ARSJ: variants seen among roughly 807,000 people sequenced by gnomAD.
The protein encoded by ARSJ is arylsulfatase J.
A neutral mutation model predicts 35.9 loss-of-function variants in ARSJ; 26 were observed. The observed-to-expected ratio is 0.72, with a 90% CI of 0.53 to 1.00. ARSJ has a LOEUF of 1.00. Among genes scored for constraint, ARSJ ranks in the 50% least tolerant of loss-of-function variants. The pLI, the probability that ARSJ is intolerant of heterozygous loss-of-function variation, is 0.00. For synonymous variants in ARSJ, 294 were observed against 267.6 expected (o/e 1.10, Z -0.96); for missense variants, 667 against 723.6 (o/e 0.92, Z 0.90).
chr4:113,961,913 G>C (rs764031453), intron 1 of ARSJ, among the ~76,000 whole-genome samples: 4,754 of 107,190 alleles, frequency 0.044, 203 homozygotes, highest in African/African-American at 0.14. Context: ...GTGTGTGTGT[G>C]TGTGTGTGTG....
rs4452507 is a variant in ARSJ, at chr4:113,901,449, A to C, written c.*825T>G. 0.69 allele frequency: 104,994 copies of C among 152,082 alleles called. 36,877 individuals are homozygous for C. The highest frequency in any genetic ancestry group is 0.76 in the Non-Finnish European group (51,720 of 67,966). The allele number at this position is 152,082 out of a possible 1,614,324, so 9.4% of individuals were successfully genotyped here. A position where few individuals can be genotyped will look rare whatever the true frequency, so the allele number is the denominator to read the frequency against. ...TAATTTGAAGAAATGAAATAAAATT[A>C]TTCTAATGGTATGCAGGAAATAAAA... On this transcript the variant is annotated 3_prime_UTR_variant, in exon 2 of 2. Transcript: ENST00000315366.
intron 1 of ARSJ, among the ~76,000 whole-genome samples, chr4:113,911,416 A>T (rs942920829): frequency 3.3e-5 from 5 of 152,192 alleles, no homozygotes; most frequent in African/African-American, 1.2e-4. Context: ...CTCTGGTTGT[A>T]GTGTGAAGAA....
At chr4:113,906,887 A>G in intron 1 of ARSJ, 1 of 305,394 alleles carries the variant, frequency 3.3e-6, no homozygotes, top group South Asian at 2.7e-5. Flanking sequence ...ACATTTGCAT[A>G]ACGCTTTTTA....
rs575187161 is a variant in ARSJ at position 113,902,118 on chromosome 4, G to A, written c.*156C>T. 7 of 1,591,716 alleles carry A rather than the reference G, an allele frequency of 4.4e-6. 1 individual carries two copies. In the South Asian group the frequency reaches 7.8e-5, roughly 18 times the overall value. On this transcript the variant is annotated 3_prime_UTR_variant, in exon 2 of 2. Transcript: ENST00000315366. ...ACTGAGCAGGACAGTTTTCAGTGTGGCGGCCAGGTGGCAGAAGTCTCTGGA... is the reference window on the plus strand; with the variant it reads ...ACTGAGCAGGACAGTTTTCAGTGTGACGGCCAGGTGGCAGAAGTCTCTGGA...
chr4:113,930,082 A>G (rs540027589), intron 1 of ARSJ, among the ~76,000 whole-genome samples: 69 of 152,250 alleles, frequency 4.5e-4, no homozygotes, highest in African/African-American at 1.6e-3. Context: ...AAAGAACTCC[A>G]TCCTTAATAT....
At chr4:113,909,564 T>G (rs1241887684) in intron 1 of ARSJ, among the ~76,000 whole-genome samples, 3 of 152,126 alleles carry the variant, frequency 2.0e-5, no homozygotes, top group Non-Finnish European at 4.4e-5. Context: ...TCTCATGAGA[T>G]CCCATGATTT....
chr4:113,902,830 C>A lies in ARSJ; in HGVS notation c.1244G>T (p.Arg415Leu), dbSNP rs75252202. 1.9e-6 allele frequency: 3 copies of A among 1,614,064 alleles called. No homozygotes were observed. Among genetic ancestry groups the A allele is most frequent in the Non-Finnish European group, 2.5e-6 (3 of 1,180,018 alleles). ...ETISEGLRSP[R>L]VDILHNIDPI... ...GTCAATGTTATGCAAAATATCTACT[C>A]GGGGTGAGCGAAGACCCTCACTTAT... Residue 415 changes from arginine to leucine, a missense_variant, in exon 2 of 2, where the codon CGA (arginine) becomes CTA (leucine). Transcript: ENST00000315366.
At chr4:113,967,123 TA>T (rs1726944212) in intron 1 of ARSJ, among the ~76,000 whole-genome samples, 2 of 152,192 alleles carry the variant, frequency 1.3e-5, no homozygotes, top group Admixed American at 1.3e-4. Context: ...TTCATTGTTA[TA>T]AAATGAAGAT....
At position 113,902,487 on chromosome 4, in the gene ARSJ, A is replaced by G. The variant is rs1374204777; in HGVS notation, c.1587T>C (p.Thr529=). Reference sequence around the variant, plus strand: ...TGGGGGGATACCTGACCGGCACTGCAGTTTTGTTGAACTGTGAGAGCCTCC... The same window carrying G: ...TGGGGGGATACCTGACCGGCACTGCGGTTTTGTTGAACTGTGAGAGCCTCC... ...LLRRLSQFNK[T]AVPVRYPPKD... The change falls in exon 2 of 2, where the codon ACT becomes ACC. Residue 529 remains threonine (T), a synonymous_variant. Coordinates refer to ENST00000315366, the MANE Select transcript of ARSJ (RefSeq NM_024590.4). The G allele has an allele frequency of 6.2e-7, 1 of 1,613,972 alleles. No individual in the cohort carries two copies. The highest frequency in any genetic ancestry group is 8.5e-7 in the Non-Finnish European group (1 of 1,180,028).
chr4:113,967,723 C>T (rs1282496737), intron 1 of ARSJ, among the ~76,000 whole-genome samples: 1 of 152,054 alleles, frequency 6.6e-6, no homozygotes, highest in African/African-American at 2.4e-5. Flanking sequence ...TATGTTCATC[C>T]AACTCTATCA....
intron 1 of ARSJ, among the ~76,000 whole-genome samples, chr4:113,933,356 C>T (rs1724574344): frequency 6.6e-6 from 1 of 151,784 alleles, no homozygotes; most frequent in Non-Finnish European, 1.5e-5. Context: ...TGCTACCAGG[C>T]CAGTGTTGCT....
chr4:113,925,058 A>T (rs1723966568), intron 1 of ARSJ, among the ~76,000 whole-genome samples: 2 of 151,990 alleles, frequency 1.3e-5, no homozygotes, highest in Admixed American at 1.3e-4. Context: ...ACTAAGAGAC[A>T]CCCTAATGGA....
At chr4:113,915,746 A>G (rs1267681869) in intron 1 of ARSJ, among the ~76,000 whole-genome samples, 6 of 152,206 alleles carry the variant, frequency 3.9e-5, no homozygotes, top group African/African-American at 9.6e-5. Flanking sequence ...CATCTGTATC[A>G]CAGTTACCCT....
intron 1 of ARSJ, among the ~76,000 whole-genome samples, chr4:113,949,895 G>A (rs754761970): frequency 1.3e-5 from 2 of 152,080 alleles, no homozygotes; most frequent in African/African-American, 2.4e-5. Flanking sequence ...AAGTAGAAGA[G>A]CATTGCTATG....
intron 1 of ARSJ, among the ~76,000 whole-genome samples, chr4:113,963,456 G>A (rs886842570): frequency 1.3e-4 from 19 of 151,942 alleles, no homozygotes; most frequent in Non-Finnish European, 2.8e-4. Context: ...AGGGAAAAGC[G>A]CCTTATAAAA....
chr4:113,970,183 T>C (rs1287708218), intron 1 of ARSJ, among the ~76,000 whole-genome samples: 2 of 152,164 alleles, frequency 1.3e-5, no homozygotes, highest in African/African-American at 2.4e-5. Flanking sequence ...CTTGAGAAAC[T>C]GTGAATCATC....
At chr4:113,936,410 A>G (rs1724771559) in intron 1 of ARSJ, among the ~76,000 whole-genome samples, 1 of 151,934 alleles carries the variant, frequency 6.6e-6, no homozygotes, top group Non-Finnish European at 1.5e-5. Context: ...TTTATAATTC[A>G]TATTCATAAA....
At chr4:113,923,316 C>T (rs900406963) in intron 1 of ARSJ, among the ~76,000 whole-genome samples, 1 of 152,152 alleles carries the variant, frequency 6.6e-6, no homozygotes, top group Non-Finnish European at 1.5e-5. Context: ...TTCTTGAATG[C>T]CTTTAATATT....
chr4:113,904,338 G>C (rs773823261), intron 1 of ARSJ, among the ~76,000 whole-genome samples: 2 of 152,156 alleles, frequency 1.3e-5, no homozygotes, highest in Non-Finnish European at 2.9e-5. Flanking sequence ...CGGAATCAGA[G>C]TGTTATTATT....
Sources: gnomAD v4.1 joint callset for allele counts (sites outside exome capture counted in the v4.1 genomes callset) on GRCh38, gnomAD v4.1.1 for gene constraint, MANE v1.5 for transcripts, NCBI Gene and HGNC (gene_info 2026-07-23, HGNC 2026-07-21) for gene names.